DNAJB2: variants seen among roughly 807,000 people sequenced by gnomAD.
The protein encoded by DNAJB2 is dnaJ homolog subfamily B member 2.
In DNAJB2, 19 loss-of-function variants were observed where a neutral mutation model predicts 33.3. The ratio of observed to expected loss-of-function variants is 0.57; its 90% CI spans 0.40 to 0.84. The LOEUF is 0.84. Ranked by LOEUF, DNAJB2 falls within the 40% of genes least tolerant of loss-of-function variation. The pLI, the probability that DNAJB2 is intolerant of heterozygous loss-of-function variation, is 0.00. For missense variants in DNAJB2, 368 were observed against 430.9 expected, an observed-to-expected ratio of 0.85 and a Z score of 1.29; for synonymous variants, 172 against 164.6, an observed-to-expected ratio of 1.04 and a Z score of -0.34.
intron 8 of DNAJB2, among the ~76,000 whole-genome samples, chr2:219,283,897 G>A (rs986244293): frequency 5.9e-5 from 9 of 152,106 alleles, no homozygotes; most frequent in African/African-American, 2.2e-4. Context: ...CAAGTAAGGA[G>A]TAGAGCCAGG....
In DNAJB2 at chr2:219,279,973, C is replaced by T; in HGVS notation, c.65+75C>T. 2 of 1,548,584 alleles carry T rather than the reference C, an allele frequency of 1.3e-6. No homozygotes were observed. The highest frequency in any genetic ancestry group is 2.7e-5 in the African/African-American group (2 of 73,694). ...CACCATGGGGCACTTCAGAGTGACA[C>T]CTGTAGGTGTCTGAGGGAACCAGGT... On this transcript the variant is annotated intron_variant, in intron 2 of 8. Coordinates refer to ENST00000336576, the MANE Select transcript of DNAJB2 (RefSeq NM_006736.6). This position sits in a 1 kb window ranked among gnomAD's most constrained non-coding sequence, Gnocchi z 4.9.
rs1366478301 is a variant in DNAJB2 at position 219,285,462 on chromosome 2, GC to G, written c.*477del. The G allele has an allele frequency of 9.9e-7, 1 of 1,005,180 alleles. No individual in the cohort carries two copies. The highest frequency in any genetic ancestry group is 1.2e-6 in the Non-Finnish European group (1 of 842,892). The allele number at this position is 1,005,180 out of a possible 1,614,324, so 62.3% of individuals were successfully genotyped here. Reference sequence around the variant, plus strand: ...GCAGACCCCCAACCCTGGTTTCTGTGCCATGTTGCGCTCTGACCGTCTCTGT... The same window carrying G: ...GCAGACCCCCAACCCTGGTTTCTGTGCATGTTGCGCTCTGACCGTCTCTGT... On this transcript the variant is annotated 3_prime_UTR_variant, in exon 9 of 9. Coordinates refer to ENST00000336576, the MANE Select transcript of DNAJB2 (RefSeq NM_006736.6).
chr2:219,283,482 A>G lies in DNAJB2; in HGVS notation c.612A>G (p.Thr204=). The G allele has an allele frequency of 2.5e-6, 4 of 1,613,832 alleles. No homozygotes were observed. Among genetic ancestry groups the G allele is most frequent in the Non-Finnish European group, 3.4e-6 (4 of 1,179,868 alleles). ...AGGATGGGCAGCTGAAGTCAGTCACAATCAATGGTGAGGAGCAGCTCCCCT... is the reference window on the plus strand; with the variant it reads ...AGGATGGGCAGCTGAAGTCAGTCACGATCAATGGTGAGGAGCAGCTCCCCT... ...VEEDGQLKSV[T]INGVPDDLAL... Residue 204 remains threonine (T), a synonymous_variant, in exon 8 of 9, where the codon ACA becomes ACG. Coordinates refer to ENST00000336576, the MANE Select transcript of DNAJB2 (RefSeq NM_006736.6).
At chr2:219,284,299 T>A (rs919839799) in intron 8 of DNAJB2, among the ~76,000 whole-genome samples, 2 of 152,064 alleles carry the variant, frequency 1.3e-5, no homozygotes, top group East Asian at 3.9e-4. Context: ...TAGGCTAGTC[T>A]CGAACTTCTA....
chr2:219,284,950 C>A lies in DNAJB2; in HGVS notation c.938C>A (p.Ser313Tyr). Residue 313 changes from serine (S) to tyrosine (Y), a missense_variant, in exon 9 of 9, where the codon TCC (serine) becomes TAC (tyrosine). Coordinates refer to ENST00000336576, the MANE Select transcript of DNAJB2 (RefSeq NM_006736.6). ...GGTGAAGCAACCAAACGCAGTCCAT[C>A]CCCAGAGGAGAAGGCCTCTCGCTGC... is the stretch of plus-strand genomic sequence containing the variant. Reference protein sequence around the residue: ...ARGEATKRSPSPEEKASRCLI... With the variant: ...ARGEATKRSPYPEEKASRCLI... 6.5e-7 allele frequency: 1 copy of A among 1,547,290 alleles called. No individual in the cohort carries two copies. Among genetic ancestry groups the A allele is most frequent in the Non-Finnish European group, 8.8e-7 (1 of 1,142,520 alleles).
Position 219,279,784 on chromosome 2 carries a change from C to A in DNAJB2, c.-36-14C>A. Reference sequence around the variant, plus strand: ...GCTCTTGGTTCTTTCCGCCTGACTCCTTCTCTTCTGCAGCCCCAAGGAGGC... The same window carrying A: ...GCTCTTGGTTCTTTCCGCCTGACTCATTCTCTTCTGCAGCCCCAAGGAGGC... On this transcript the variant is annotated splice_polypyrimidine_tract_variant and intron_variant, in intron 1 of 8. Transcript: ENST00000336576. The surrounding 1 kb of genome is among the most constrained non-coding windows in gnomAD (Gnocchi z 4.9). 1 of 1,607,956 alleles carries A rather than the reference C, an allele frequency of 6.2e-7. No individual in the cohort carries two copies. The highest frequency in any genetic ancestry group is 8.5e-7 in the Non-Finnish European group (1 of 1,175,970).
chr2:219,280,284 C>A, intron 2 of DNAJB2: 1 of 532,318 alleles, frequency 1.9e-6, no homozygotes, highest in Non-Finnish European at 3.4e-6. Flanking sequence ...CTGTACTCTT[C>A]GAGGCCACAT....
chr2:219,286,083 C>T lies in DNAJB2; in HGVS notation c.*1096C>T. The T allele has an allele frequency of 1.3e-6, 2 of 1,569,112 alleles. No individual in the cohort carries two copies. The highest frequency in any genetic ancestry group is 1.7e-5 in the Admixed American group (1 of 58,694). On this transcript the variant is annotated 3_prime_UTR_variant, in exon 9 of 9. Transcript: ENST00000336576. ...CGCTGGGAGGGGACCCTCCATTTCT[C>T]CCCCTCACCCATGCTGAGTGTAGAG... is the stretch of plus-strand genomic sequence containing the variant.
At position 219,286,168 on chromosome 2, in the gene DNAJB2, A is replaced by C; in HGVS notation, c.*1181A>C. The C allele has an allele frequency of 2.7e-6, 2 of 746,028 alleles. No homozygotes were observed. Among genetic ancestry groups the C allele is most frequent in the African/African-American group, 1.7e-5 (1 of 57,154 alleles). 46.2% of individuals were successfully genotyped at this position (746,028 alleles called of 1,614,324 possible). Reference sequence around the variant, plus strand: ...AGGTGGCAGTAGTCTTAGCCTGTGCACTCTCTTCCTTGGGTGTTTGGTGCT... The same window carrying C: ...AGGTGGCAGTAGTCTTAGCCTGTGCCCTCTCTTCCTTGGGTGTTTGGTGCT... On this transcript the variant is annotated 3_prime_UTR_variant, in exon 9 of 9. Transcript: ENST00000336576.
intron 6 of DNAJB2, 68 bp from the exon 7 acceptor site, chr2:219,283,065 G>C (rs1374403550): frequency 6.3e-7 from 1 of 1,597,668 alleles, no homozygotes; most frequent in African/African-American, 1.3e-5. Context: ...TGGAGCCTCG[G>C]TGACCACAAC....
Position 219,285,834 on chromosome 2 carries a change from C to T in DNAJB2, c.*847C>T, listed in dbSNP as rs1951950439. On this transcript the variant is annotated 3_prime_UTR_variant, in exon 9 of 9. Transcript: ENST00000336576. Reference sequence around the variant, plus strand: ...GGACCGGGGGACCCCAGAGGGAGGCCTAGGAGGGGACTGCACCCATACTGC... The same window carrying T: ...GGACCGGGGGACCCCAGAGGGAGGCTTAGGAGGGGACTGCACCCATACTGC... 7.0e-7 allele frequency: 1 copy of T among 1,432,522 alleles called. No homozygotes were observed. Among genetic ancestry groups the T allele is most frequent in the East Asian group, 2.5e-5 (1 of 39,966 alleles). The allele number at this position is 1,432,522 out of a possible 1,614,324, so 88.7% of individuals were successfully genotyped here.
rs996568758 is a variant in DNAJB2 at position 219,286,860 on chromosome 2, G to T, written c.*1873G>T. The T allele has an allele frequency of 6.6e-6, 1 of 152,304 alleles. No homozygotes were observed. Among genetic ancestry groups the T allele is most frequent in the Non-Finnish European group, 1.5e-5 (1 of 68,092 alleles). The allele number at this position is 152,304 out of a possible 1,614,324, so 9.4% of individuals were successfully genotyped here. On this transcript the variant is annotated 3_prime_UTR_variant, in exon 9 of 9. Coordinates refer to ENST00000336576, the MANE Select transcript of DNAJB2 (RefSeq NM_006736.6). ...AGCTGGGCTGAGCTCAGATCCAGGG[G>T]GAAATGCTGGAAGTCAATAAAACTG...
rs143983369 is a variant in DNAJB2 at position 219,279,420 on chromosome 2, C to A, written c.-135C>A. The A allele has an allele frequency of 2.8e-3, 481 of 172,994 alleles. 2 individuals carry two copies. Among genetic ancestry groups the A allele is most frequent in the South Asian group, 0.017 (136 of 7,782 alleles). The allele number at this position is 172,994 out of a possible 1,614,324, so 10.7% of individuals were successfully genotyped here. A position where few individuals can be genotyped will look rare whatever the true frequency, so the allele number is the denominator to read the frequency against. On this transcript the variant is annotated 5_prime_UTR_variant, in exon 1 of 9. Coordinates refer to ENST00000336576, the MANE Select transcript of DNAJB2 (RefSeq NM_006736.6). The surrounding 1 kb of genome is among the most constrained non-coding windows in gnomAD (Gnocchi z 4.9). ...GCGCGCACAGCTGGGCCGGGCGCGT[C>A]CTACGCAGCAGCCGCGAGCCGGGCT... is the stretch of plus-strand genomic sequence containing the variant.
intron 6 of DNAJB2, 35 bp from the exon 7 acceptor site, chr2:219,283,098 C>T: frequency 6.2e-7 from 1 of 1,611,594 alleles, no homozygotes; most frequent in South Asian, 1.1e-5. Context: ...CTTCTTCTAA[C>T]CACCTCTCCT....
chr2:219,284,795 C>T lies in DNAJB2; in HGVS notation c.783C>T (p.Tyr261=), dbSNP rs762593270. The T allele has an allele frequency of 7.4e-6, 12 of 1,612,982 alleles. No homozygotes were observed. The African/African-American group carries it at 8.0e-5, about 11-fold the overall frequency. Residue 261 remains tyrosine, a synonymous_variant, in exon 9 of 9, where the codon TAC becomes TAT. Transcript: ENST00000336576. Reference sequence around the variant, plus strand: ...AGGACCTGCAGCTGGCCATGGCCTACAGCCTGTCAGAGATGGAGGCAGCTG... The same window carrying T: ...AGGACCTGCAGCTGGCCATGGCCTATAGCCTGTCAGAGATGGAGGCAGCTG... The part of the protein sequence containing the change: ...EDEDLQLAMA[Y]SLSEMEAAGK...
intron 3 of DNAJB2, chr2:219,281,500 T>C (rs1053431538): frequency 3.3e-5 from 20 of 598,220 alleles, no homozygotes; most frequent in Non-Finnish European, 5.9e-5. Context: ...CGGTAGGTGT[T>C]GTGATGACAG....
chr2:219,279,599 C>T lies in DNAJB2; in HGVS notation c.-37+81C>T. The T allele has an allele frequency of 3.7e-6, 2 of 540,240 alleles. No individual in the cohort carries two copies. Among genetic ancestry groups the T allele is most frequent in the Non-Finnish European group, 6.6e-6 (2 of 303,102 alleles). The allele number at this position is 540,240 out of a possible 1,614,324, so 33.5% of individuals were successfully genotyped here. A position where few individuals can be genotyped will look rare whatever the true frequency, so the allele number is the denominator to read the frequency against. On this transcript the variant is annotated intron_variant, in intron 1 of 8. Coordinates refer to ENST00000336576, the MANE Select transcript of DNAJB2 (RefSeq NM_006736.6). The surrounding 1 kb of genome is among the most constrained non-coding windows in gnomAD (Gnocchi z 4.9). ...GGGGGCCCCGATAGGGCTCCTGGGC[C>T]TGGGCGTCGAGATAGCTCTTGGCCC...
Position 219,280,618 on chromosome 2 carries a change from C to A in DNAJB2, c.106C>A (p.Pro36Thr), listed in dbSNP as rs755728990. Residue 36 changes from proline to threonine, a missense_variant, in exon 3 of 9, where the codon CCA (proline) becomes ACA (threonine). Physicochemically the swap from Pro to Thr is conservative, Grantham distance 38. Transcript: ENST00000336576. ...TCTCCAGTGGCACCCAGACAAAAACCCAGATAATAAAGAGTTTGCTGAGAA... is the reference window on the plus strand; with the variant it reads ...TCTCCAGTGGCACCCAGACAAAAACACAGATAATAAAGAGTTTGCTGAGAA... ...KALQWHPDKN[P>T]DNKEFAEKKF... 6.2e-7 allele frequency: 1 copy of A among 1,614,080 alleles called. No homozygotes were observed. The highest frequency in any genetic ancestry group is 1.7e-5 in the Admixed American group (1 of 60,018).
intron 5 of DNAJB2, chr2:219,282,340 G>C: frequency 2.0e-6 from 1 of 498,190 alleles, no homozygotes; most frequent in Non-Finnish European, 3.6e-6. Flanking sequence ...AAGACTCAAA[G>C]CATCTTGTGA....
Sources: gnomAD v4.1 joint callset for allele counts (sites outside exome capture counted in the v4.1 genomes callset) on GRCh38, gnomAD v4.1.1 for gene constraint, Gnocchi (gnomAD v3.1) non-coding constraint, MANE v1.5 for transcripts, NCBI Gene and HGNC (gene_info 2026-07-23, HGNC 2026-07-21) for gene names.